RFX3: variants seen among roughly 807,000 people sequenced by gnomAD.
RFX3 encodes the protein transcription factor RFX3.
RFX3 carries 14 observed loss-of-function variants against 98.6 expected under a neutral mutation model. The observed-to-expected ratio is 0.14, with a 90% CI of 0.09 to 0.22. The LOEUF is 0.22. Among genes scored for constraint, RFX3 ranks in the 10% least tolerant of loss-of-function variants. The pLI, the probability that RFX3 is intolerant of heterozygous loss-of-function variation, is 1.00. For synonymous variants in RFX3, 383 were observed against 328.4 expected (o/e 1.17, Z -1.80); for missense variants, 639 against 926.9 (o/e 0.69, Z 4.03).
chr9:3,381,224 C>CA (rs1333179612), intron 2 of RFX3, among the ~76,000 whole-genome samples: 9 of 150,732 alleles, frequency 6.0e-5, no homozygotes, highest in Admixed American at 3.3e-4. Flanking sequence ...AAACAAAGAC[C>CA]AAAAAAAATT....
chr9:3,283,998 A>G (rs1826256621), intron 7 of RFX3, among the ~76,000 whole-genome samples: 1 of 151,774 alleles, frequency 6.6e-6, no homozygotes, highest in Non-Finnish European at 1.5e-5. Context: ...CATCAACAGG[A>G]TAAGTTGGAC....
intron 1 of RFX3, among the ~76,000 whole-genome samples, chr9:3,412,993 A>G (rs1345450922): frequency 6.6e-6 from 1 of 152,064 alleles, no homozygotes; most frequent in Non-Finnish European, 1.5e-5. Context: ...TAAAAATCAC[A>G]CTTCTTTAAT....
At chr9:3,490,345 C>T in intron 1 of RFX3, 3 of 981,766 alleles carry the variant, frequency 3.1e-6, no homozygotes, top group Non-Finnish European at 3.6e-6. Flanking sequence ...GACCAAGTGG[C>T]CTAAAATATT....
At chr9:3,252,415 G>A (rs1466849102) in intron 14 of RFX3, among the ~76,000 whole-genome samples, 1 of 150,304 alleles carries the variant, frequency 6.7e-6, no homozygotes, top group African/African-American at 2.4e-5. Context: ...GGAGAGTGAT[G>A]AGGGCAGGCA....
intron 2 of RFX3, among the ~76,000 whole-genome samples, chr9:3,374,415 C>T (rs1838219699): frequency 6.8e-6 from 1 of 146,262 alleles, no homozygotes; most frequent in Non-Finnish European, 1.5e-5. Flanking sequence ...ACAGCTTGTT[C>T]ATAGCATCAT....
At chr9:3,327,399 T>A (rs1421339138) in intron 4 of RFX3, among the ~76,000 whole-genome samples, 1 of 152,160 alleles carries the variant, frequency 6.6e-6, no homozygotes, top group African/African-American at 2.4e-5. Flanking sequence ...AGATCTTCAG[T>A]ACAATTGAGA....
chr9:3,373,834 T>G (rs1469934733), intron 2 of RFX3, among the ~76,000 whole-genome samples: 1 of 152,062 alleles, frequency 6.6e-6, no homozygotes, highest in African/African-American at 2.4e-5. Context: ...ATCCCAGCAC[T>G]TTGGGAGGCA....
At chr9:3,329,399 C>A (rs1333804406) in intron 4 of RFX3, among the ~76,000 whole-genome samples, 3 of 99,574 alleles carry the variant, frequency 3.0e-5, no homozygotes, top group African/African-American at 4.6e-5. Context: ...CAGAGTAAGA[C>A]TTCATCTCAA....
intron 11 of RFX3, among the ~76,000 whole-genome samples, chr9:3,267,968 G>T (rs148417719): frequency 6.6e-6 from 1 of 151,500 alleles, no homozygotes; most frequent in Non-Finnish European, 1.5e-5. Flanking sequence ...TATTTATTAC[G>T]GGCCTTGTTT....
In RFX3 at chr9:3,442,183, A is replaced by T. The variant is rs375583377; in HGVS notation, c.-8-46587T>A. Among the ~76,000 whole-genome samples, 14 of 152,200 alleles carry T rather than the reference A, an allele frequency of 9.2e-5. No homozygotes were observed. In the East Asian group the frequency reaches 1.7e-3, roughly 19 times the overall value. ...CCATTGCACTCCAGCCTGGGCAACA[A>T]GAGCAAGACTCAATCTCAAAAATAA... On this transcript the variant is annotated intron_variant, in intron 1 of 16. Coordinates refer to ENST00000617270, the MANE Select transcript of RFX3 (RefSeq NM_001282116.2).
chr9:3,379,885 T>G (rs2131679286), intron 2 of RFX3, among the ~76,000 whole-genome samples: 1 of 60,988 alleles, frequency 1.6e-5, no homozygotes, highest in South Asian at 5.7e-4. Flanking sequence ...GGGCAATTTA[T>G]TTATTTATTT....
At chr9:3,413,907 G>T (rs1159123056) in intron 1 of RFX3, among the ~76,000 whole-genome samples, 1 of 152,010 alleles carries the variant, frequency 6.6e-6, no homozygotes, top group Non-Finnish European at 1.5e-5. Flanking sequence ...AGAATGGTAA[G>T]GCTAGTGTTT....
At chr9:3,494,229 G>A (rs1018606188) in intron 1 of RFX3, among the ~76,000 whole-genome samples, 28 of 152,132 alleles carry the variant, frequency 1.8e-4, no homozygotes, top group Non-Finnish European at 8.8e-5. Flanking sequence ...TATTTGCATA[G>A]ACTCTGGTGT....
At position 3,504,237 on chromosome 9, in the gene RFX3, TTATA is replaced by T. The variant is rs1229206912; in HGVS notation, c.-9+21506_-9+21509del. Among the ~76,000 whole-genome samples, 249 of 134,502 alleles carry T rather than the reference TTATA, an allele frequency of 1.9e-3. 1 individual carries two copies. The highest frequency in any genetic ancestry group is 6.2e-3 in the African/African-American group (222 of 35,598). 88.2% of individuals were successfully genotyped at this position (134,502 alleles called of 152,430 possible). A position where few individuals can be genotyped will look rare whatever the true frequency, so the allele number is the denominator to read the frequency against. ...TATATACTATATTATATACTATATA[TTATA>T]TATATATTTTATATATAATATATAC... On this transcript the variant is annotated intron_variant, in intron 1 of 16. Transcript: ENST00000617270.
At chr9:3,523,411 C>T (rs553195736) in intron 1 of RFX3, among the ~76,000 whole-genome samples, 1 of 152,146 alleles carries the variant, frequency 6.6e-6, no homozygotes, top group South Asian at 2.1e-4. Context: ...TTAATCAATT[C>T]CACAGCAGCT....
chr9:3,487,041 A>T (rs1009047664), intron 1 of RFX3, among the ~76,000 whole-genome samples: 3 of 152,094 alleles, frequency 2.0e-5, no homozygotes, highest in Non-Finnish European at 4.4e-5. Context: ...TTTTTAATAG[A>T]GACAGCCTCT....
At chr9:3,513,791 T>A (rs1367660284) in intron 1 of RFX3, among the ~76,000 whole-genome samples, 1 of 152,094 alleles carries the variant, frequency 6.6e-6, no homozygotes, top group Non-Finnish European at 1.5e-5. Context: ...AATCAAAATA[T>A]TAAAATAAAT....
At chr9:3,308,557 A>T (rs1374469945) in intron 4 of RFX3, among the ~76,000 whole-genome samples, 3 of 152,162 alleles carry the variant, frequency 2.0e-5, no homozygotes, top group African/African-American at 7.2e-5. Context: ...TCCACATTAC[A>T]TGCCAATTTA....
rs74328675 is a variant in RFX3 at position 3,417,688 on chromosome 9, T to A, written c.-8-22092A>T. Among the ~76,000 whole-genome samples, 513 of 152,128 alleles carry A rather than the reference T, an allele frequency of 3.4e-3. 7 individuals are homozygous for A. Among genetic ancestry groups the A allele is most frequent in the East Asian group, 8.9e-3 (46 of 5,184 alleles). On this transcript the variant is annotated intron_variant, in intron 1 of 16. Coordinates refer to ENST00000617270, the MANE Select transcript of RFX3 (RefSeq NM_001282116.2). ...TGGGTGAAGAACAAAAGAAAAAGAA[T>A]TAAATGACTAAACAAATCAACAGTT...
Sources: allele counts gnomAD v4.1 joint callset (sites outside exome capture counted in the v4.1 genomes callset), GRCh38; gene constraint gnomAD v4.1.1; transcripts MANE v1.5; gene names NCBI Gene and HGNC (gene_info 2026-07-23, HGNC 2026-07-21).